TNFRSF10D: variants seen among roughly 807,000 people sequenced by gnomAD.
TNFRSF10D encodes tumor necrosis factor receptor superfamily member 10D.
TNFRSF10D carries 28 observed loss-of-function variants against 42.1 expected under a neutral mutation model. The observed-to-expected ratio is 0.66, with a 90% CI of 0.49 to 0.91. The LOEUF (loss-of-function observed/expected upper bound fraction) is 0.91. Among genes scored for constraint, TNFRSF10D ranks in the 40% least tolerant of loss-of-function variants. The probability of loss-of-function intolerance (pLI) is 0.00; values close to 1 mark genes in which losing one functional copy is unlikely to be tolerated. For synonymous variants in TNFRSF10D, 186 were observed against 189.4 expected, an observed-to-expected ratio of 0.98 and a Z score of 0.15; for missense variants, 503 against 486.1, an observed-to-expected ratio of 1.03 and a Z score of -0.33.
chr8:23,144,664 C>T, intron 6 of TNFRSF10D, 29 bp from the exon 7 acceptor site: 3 of 1,602,052 alleles, frequency 1.9e-6, no homozygotes, highest in Non-Finnish European at 1.7e-6. Flanking sequence ...CCACTCAAGT[C>T]CACACCCCGG....
At chr8:23,151,980 C>A (rs1298212957) in intron 2 of TNFRSF10D, among the ~76,000 whole-genome samples, 335 of 151,246 alleles carry the variant, frequency 2.2e-3, no homozygotes, top group African/African-American at 7.0e-3. Context: ...TCCCGGTGGA[C>A]TGTCTAATGC....
intron 1 of TNFRSF10D, among the ~76,000 whole-genome samples, chr8:23,160,894 G>A (rs1156315889): frequency 6.6e-6 from 1 of 152,246 alleles, no homozygotes; most frequent in Non-Finnish European, 1.5e-5. Context: ...GGTAAACCAG[G>A]CTGTGGCCCT....
intron 1 of TNFRSF10D, among the ~76,000 whole-genome samples, chr8:23,162,229 C>T (rs1349282227): frequency 1.3e-5 from 2 of 152,218 alleles, no homozygotes; most frequent in Non-Finnish European, 2.9e-5. Context: ...TCAAAGCCTC[C>T]TTTGGGACGC....
chr8:23,163,809 A>C lies in TNFRSF10D; in HGVS notation c.127T>G (p.Phe43Val). Residue 43 changes from phenylalanine to valine, a missense_variant, in exon 1 of 9, where the codon TTC becomes GTC. By Grantham distance (50) the Phe-to-Val change is conservative. Transcript: ENST00000312584. ...LDPKILKFVV[F>V]IVAVLLPVRV... The stretch of plus-strand genomic sequence containing the variant: ...ACCGGCAGCAGAACCGCGACGATGA[A>C]GACGACGAACTTAAGGATCTTGGGG... 1.2e-6 allele frequency: 2 copies of C among 1,609,570 alleles called. No individual in the cohort carries two copies. Among genetic ancestry groups the C allele is most frequent in the Non-Finnish European group, 1.7e-6 (2 of 1,178,670 alleles).
chr8:23,154,474 A>T (rs1800247968), intron 2 of TNFRSF10D, among the ~76,000 whole-genome samples: 1 of 152,238 alleles, frequency 6.6e-6, no homozygotes, highest in African/African-American at 2.4e-5. Context: ...TACTTGTAAT[A>T]CCTAATGCAA....
At chr8:23,163,520 A>G (rs1424225582) in intron 1 of TNFRSF10D, among the ~76,000 whole-genome samples, 1 of 152,110 alleles carries the variant, frequency 6.6e-6, no homozygotes, top group African/African-American at 2.4e-5. Flanking sequence ...CTGATTCTGG[A>G]ACTTCCTCTG....
Position 23,146,972 on chromosome 8 carries a change from C to T in TNFRSF10D, c.471G>A (p.Thr157=), listed in dbSNP as rs774130336. The part of the protein sequence containing the change: ...QDKNSPEMCR[T]CRTGCPRGMV... Reference sequence around the variant, plus strand: ...GGCTGCTGTCTTACCCTGTTCTACACGTCCGGCACATCTCAGGGGAGTTTT... The same window carrying T: ...GGCTGCTGTCTTACCCTGTTCTACATGTCCGGCACATCTCAGGGGAGTTTT... Residue 157 remains threonine (T), a synonymous_variant, in exon 4 of 9, where the codon ACG becomes ACA. Coordinates refer to ENST00000312584, the MANE Select transcript of TNFRSF10D (RefSeq NM_003840.5). 2.5e-5 allele frequency: 40 copies of T among 1,613,926 alleles called. No individual in the cohort carries two copies. Among genetic ancestry groups the T allele is most frequent in the Admixed American group, 2.3e-4 (14 of 60,010 alleles).
At position 23,146,861 on chromosome 8, in the gene TNFRSF10D, C is replaced by G. The variant is rs58151289; in HGVS notation, c.482+100G>C. Reference sequence around the variant, plus strand: ...CCACAGGCTCAGGGAGGCCTCGGGCCTGGAGGATCCATGGGGTCAGCGGAG... The same window carrying G: ...CCACAGGCTCAGGGAGGCCTCGGGCGTGGAGGATCCATGGGGTCAGCGGAG... On this transcript the variant is annotated intron_variant, in intron 4 of 8. Transcript: ENST00000312584. The G allele has an allele frequency of 8.3e-3, 8,770 of 1,057,074 alleles. 448 individuals carry two copies. In the African/African-American group the frequency reaches 0.12, roughly 14 times the overall value. The allele number at this position is 1,057,074 out of a possible 1,614,324, so 65.5% of individuals were successfully genotyped here.
In TNFRSF10D at chr8:23,136,652, C is replaced by T. The variant is rs1486829181; in HGVS notation, c.*1218G>A. 2 of 152,690 alleles carry T rather than the reference C, an allele frequency of 1.3e-5. No homozygotes were observed. The highest frequency in any genetic ancestry group is 4.8e-5 in the African/African-American group (2 of 41,468). 9.5% of individuals were successfully genotyped at this position (152,690 alleles called of 1,614,324 possible). On this transcript the variant is annotated 3_prime_UTR_variant, in exon 9 of 9. Transcript: ENST00000312584. ...GCAGTCTCGGATCTAACTTAATTCT[C>T]ACTGTCCTCATCTGCTGTGGACAAG...
At chr8:23,160,427 A>G (rs1452773535) in intron 1 of TNFRSF10D, among the ~76,000 whole-genome samples, 1 of 152,224 alleles carries the variant, frequency 6.6e-6, no homozygotes, top group African/African-American at 2.4e-5. Flanking sequence ...AGATCAGAGA[A>G]GCAGCTCCTC....
intron 1 of TNFRSF10D, among the ~76,000 whole-genome samples, chr8:23,160,056 C>T (rs1800343262): frequency 6.6e-6 from 1 of 152,176 alleles, no homozygotes; most frequent in South Asian, 2.1e-4. Context: ...CCAACACGGC[C>T]TCTCTGGAGG....
chr8:23,139,719 T>A (rs1814410665), intron 7 of TNFRSF10D, among the ~76,000 whole-genome samples: 1 of 152,138 alleles, frequency 6.6e-6, no homozygotes, highest in African/African-American at 2.4e-5. Context: ...GGCATCCAGA[T>A]ATGAAATGAA....
rs112671109 is a variant in TNFRSF10D at position 23,136,575 on chromosome 8, C to T, written c.*1295G>A. ...TGCTCTGCCCTGAGCCCAAATGAGGCTCAAGATTCACTAACGTTCAACTGT... is the reference window on the plus strand; with the variant it reads ...TGCTCTGCCCTGAGCCCAAATGAGGTTCAAGATTCACTAACGTTCAACTGT... On this transcript the variant is annotated 3_prime_UTR_variant, in exon 9 of 9. Coordinates refer to ENST00000312584, the MANE Select transcript of TNFRSF10D (RefSeq NM_003840.5). 3,449 of 154,192 alleles carry T rather than the reference C, an allele frequency of 0.022. 125 individuals carry two copies. Among genetic ancestry groups the T allele is most frequent in the African/African-American group, 0.078 (3,235 of 41,546 alleles). 9.6% of individuals were successfully genotyped at this position (154,192 alleles called of 1,614,324 possible). A position where few individuals can be genotyped will look rare whatever the true frequency, so the allele number is the denominator to read the frequency against.
chr8:23,144,964 G>A, intron 6 of TNFRSF10D, 94 bp downstream of exon 6: 17 of 1,570,358 alleles, frequency 1.1e-5, no homozygotes, highest in Non-Finnish European at 1.1e-5. Flanking sequence ...GGGCAGCCAT[G>A]AGGACAAGGG....
intron 1 of TNFRSF10D, among the ~76,000 whole-genome samples, chr8:23,155,933 AGTAATTTC>A (rs543055981): frequency 1.2e-3 from 180 of 152,284 alleles, no homozygotes; most frequent in African/African-American, 4.0e-3. Context: ...TCAAACATTA[AGTAATTTC>A]TGCTTCACAA....
intron 4 of TNFRSF10D, 117 bp downstream of exon 4, chr8:23,146,844 T>C (rs1377954858): frequency 4.7e-6 from 4 of 850,070 alleles, no homozygotes; most frequent in Non-Finnish European, 7.6e-6. Flanking sequence ...CCCCACAGGC[T>C]CAGGGAGGCC....
chr8:23,150,287 G>T (rs1800197868), intron 2 of TNFRSF10D, among the ~76,000 whole-genome samples: 1 of 152,182 alleles, frequency 6.6e-6, no homozygotes, highest in Non-Finnish European at 1.5e-5. Context: ...CTATTCCAGT[G>T]CCAGTTCAGC....
chr8:23,150,136 C>T (rs1420704231), intron 2 of TNFRSF10D, among the ~76,000 whole-genome samples: 1 of 152,182 alleles, frequency 6.6e-6, no homozygotes, highest in Non-Finnish European at 1.5e-5. Flanking sequence ...GATCCTGACC[C>T]ACCTCCATAG....
chr8:23,143,956 G>GT (rs147719476), intron 7 of TNFRSF10D, among the ~76,000 whole-genome samples: 903 of 152,226 alleles, frequency 5.9e-3, no homozygotes, highest in African/African-American at 0.019. Flanking sequence ...GGATGTGTGT[G>GT]TTTCTGTAAT....
Sources: allele counts gnomAD v4.1 joint callset (sites outside exome capture counted in the v4.1 genomes callset), GRCh38; gene constraint gnomAD v4.1.1; transcripts MANE v1.5; gene names NCBI Gene and HGNC (gene_info 2026-07-23, HGNC 2026-07-21).